The following PLEKHG2 variants were observed in gnomAD, a reference collection of about 807,000 sequenced individuals.
PLEKHG2 encodes the protein pleckstrin homology domain-containing family G member 2.
In PLEKHG2, 71 loss-of-function variants were observed where a neutral mutation model predicts 104.4. The ratio of observed to expected loss-of-function variants is 0.68; its 90% CI spans 0.56 to 0.83. PLEKHG2 has a LOEUF of 0.83. PLEKHG2 is among the 40% of genes least tolerant of loss of function. PLEKHG2 has a pLI of 0.00. For missense variants in PLEKHG2, 1,730 were observed against 1,809.4 expected (o/e 0.96, Z 0.80); for synonymous variants, 728 against 737.0 (o/e 0.99, Z 0.20).
chr19:39,415,629 C>T lies in PLEKHG2; in HGVS notation c.479+190C>T, dbSNP rs551299341. Among the ~76,000 whole-genome samples the T allele has an allele frequency of 2.0e-5, 3 of 151,420 alleles. No individual in the cohort carries two copies. The highest frequency in any genetic ancestry group is 6.6e-5 in the Admixed American group (1 of 15,234). ...AGGGGCATAGGGGATGGGAGGACCCCGAGTGAGGGAGGGGCATAGCGGATG... is the reference window on the plus strand; with the variant it reads ...AGGGGCATAGGGGATGGGAGGACCCTGAGTGAGGGAGGGGCATAGCGGATG... On this transcript the variant is annotated intron_variant, in intron 4 of 18. Coordinates refer to ENST00000425673, the MANE Select transcript of PLEKHG2 (RefSeq NM_022835.3). This position sits in a 1 kb window ranked among gnomAD's most constrained non-coding sequence, Gnocchi z 4.6.
intron 12 of PLEKHG2, 35 bp downstream of exon 12, chr19:39,420,694 G>T (rs750641744): frequency 2.5e-6 from 4 of 1,614,164 alleles, no homozygotes; most frequent in Non-Finnish European, 3.4e-6. Flanking sequence ...GGGTGTGGAA[G>T]TAGACGAATT....
rs201041534 is a variant in PLEKHG2, at chr19:39,420,833, C to G, written c.1380C>G (p.Thr460=). ...GACCTCGAGATGCTAGAAGTTTTAC[C>G]CCTGGGCGAAGGAACACAGGTAAAG... ...SPRPRDARSF[T]PGRRNTAPSP... The change falls in exon 13 of 19, where the codon ACC becomes ACG. Residue 460 remains threonine, a synonymous_variant. Transcript: ENST00000425673. The G allele has an allele frequency of 6.2e-7, 1 of 1,614,190 alleles. No homozygotes were observed.
At position 39,417,920 on chromosome 19, in the gene PLEKHG2, C is replaced by T; in HGVS notation, c.898C>T (p.Leu300=). The change falls in exon 9 of 19, where the codon CTG becomes TTG. Residue 300 remains leucine, a synonymous_variant. Transcript: ENST00000425673. ...AARLQEVQRR[L]GGWTGPELSA... Reference sequence around the variant, plus strand: ...GTCCCGGCAGGAAGTGCAGCGGCGGCTGGGTGGCTGGACCGGACCAGAGCT... The same window carrying T: ...GTCCCGGCAGGAAGTGCAGCGGCGGTTGGGTGGCTGGACCGGACCAGAGCT... 1 of 1,541,812 alleles carries T rather than the reference C, an allele frequency of 6.5e-7. No homozygotes were observed. Among genetic ancestry groups the T allele is most frequent in the South Asian group, 1.2e-5 (1 of 83,790 alleles).
chr19:39,418,179 G>A (rs570906747), intron 9 of PLEKHG2, 74 bp downstream of exon 9: 34 of 1,262,662 alleles, frequency 2.7e-5, no homozygotes, highest in South Asian at 2.5e-4. Flanking sequence ...CTGTGTGCCC[G>A]GCAGTGTGGG....
At chr19:39,418,397 G>A (rs948086864) in intron 9 of PLEKHG2, among the ~76,000 whole-genome samples, 2 of 152,032 alleles carry the variant, frequency 1.3e-5, no homozygotes, top group Non-Finnish European at 2.9e-5. Context: ...TAGCCAACGT[G>A]GTGAAACCCC....
In PLEKHG2 at chr19:39,425,137, A is replaced by G. The variant is rs574448593; in HGVS notation, c.4004A>G (p.Tyr1335Cys). ...CCTCCCCCAGCCAGGCGGCTCAGCT[A>G]TGCCACGACGGTTAACATCCACGTG... ...PPPPPARRLS[Y>C]ATTVNIHVGG... Residue 1335 changes from tyrosine to cysteine, a missense_variant, in exon 19 of 19, where the codon TAT (tyrosine) becomes TGT (cysteine). Physicochemically the swap from Tyr to Cys is radical, Grantham distance 194. Transcript: ENST00000425673. 50 of 1,588,918 alleles carry G rather than the reference A, an allele frequency of 3.1e-5. No homozygotes were observed. The African/African-American group carries it at 3.2e-4, about 10-fold the overall frequency.
At chr19:39,417,183 A>C (rs2078619852) in intron 7 of PLEKHG2, among the ~76,000 whole-genome samples, 183 bp downstream of exon 7, 1 of 144,746 alleles carries the variant, frequency 6.9e-6, no homozygotes, top group African/African-American at 2.6e-5. Context: ...GTGGAGTTTC[A>C]CTCTTGTCGA....
Position 39,414,781 on chromosome 19 carries a change from T to C in PLEKHG2, c.110-211T>C, listed in dbSNP as rs150919304. 2.6e-3 allele frequency among the ~76,000 whole-genome samples: 390 copies of C among 151,690 alleles called. 2 individuals are homozygous for C. Among genetic ancestry groups the C allele is most frequent in the African/African-American group, 8.9e-3 (366 of 41,332 alleles). ...TGTCTACCTAGCTGATTCATGGAGG[T>C]GGATTAGAGAAATGGAGGCCAGAAG... is the stretch of plus-strand genomic sequence containing the variant. On this transcript the variant is annotated intron_variant, in intron 2 of 18. Coordinates refer to ENST00000425673, the MANE Select transcript of PLEKHG2 (RefSeq NM_022835.3).
chr19:39,416,597 G>A lies in PLEKHG2; in HGVS notation c.593G>A (p.Ser198Asn). The change falls in exon 6 of 19, where the codon AGC becomes AAC. Residue 198 changes from serine to asparagine, a missense_variant and splice_region_variant. Transcript: ENST00000425673. The surrounding 1 kb of genome is among the most constrained non-coding windows in gnomAD (Gnocchi z 4.5). ...IYTLYCMNYP[S>N]SLALLRELSL... ...ACATTGTACTGCATGAACTACCCGA[G>A]GTGAGGGGCAGGAGCCCCTGCTGGG... is the stretch of plus-strand genomic sequence containing the variant. 1 of 1,613,908 alleles carries A rather than the reference G, an allele frequency of 6.2e-7. No individual in the cohort carries two copies. The highest frequency in any genetic ancestry group is 8.5e-7 in the Non-Finnish European group (1 of 1,179,972).
In PLEKHG2 at chr19:39,422,377, C is replaced by T. The variant is rs545203047; in HGVS notation, c.1677+89C>T. On this transcript the variant is annotated intron_variant, in intron 17 of 18. Coordinates refer to ENST00000425673, the MANE Select transcript of PLEKHG2 (RefSeq NM_022835.3). ...CAGATAGGCCAGCCCATGCTGATAC[C>T]TTTATTTTTTTTTTATTTGAGATGG... is the stretch of plus-strand genomic sequence containing the variant. 82 of 1,372,104 alleles carry T rather than the reference C, an allele frequency of 6.0e-5. No individual in the cohort carries two copies. In the East Asian group the frequency reaches 2.1e-3, roughly 36 times the overall value. The allele number at this position is 1,372,104 out of a possible 1,614,324, so 85.0% of individuals were successfully genotyped here.
rs1179030964 is a variant in PLEKHG2, at chr19:39,413,955, G to A, written c.-22-110G>A. On this transcript the variant is annotated intron_variant, in intron 1 of 18. Transcript: ENST00000425673. The surrounding 1 kb of genome is among the most constrained non-coding windows in gnomAD (Gnocchi z 4.5). ...CCTCCCCCATTAGTTACTCCCAGGGGCCCCTCCCTGGATTTACACCACGCT... is the reference window on the plus strand; with the variant it reads ...CCTCCCCCATTAGTTACTCCCAGGGACCCCTCCCTGGATTTACACCACGCT... The A allele has an allele frequency of 7.5e-6, 5 of 669,210 alleles. No homozygotes were observed. The East Asian group carries it at 1.1e-4, about 15-fold the overall frequency. 41.5% of individuals were successfully genotyped at this position (669,210 alleles called of 1,614,324 possible).
rs1405653742 is a variant in PLEKHG2, at chr19:39,425,880, C to G, written c.*586C>G. 2.6e-5 allele frequency: 4 copies of G among 154,172 alleles called. No individual in the cohort carries two copies. The highest frequency in any genetic ancestry group is 9.6e-5 in the African/African-American group (4 of 41,506). The allele number at this position is 154,172 out of a possible 1,614,324, so 9.6% of individuals were successfully genotyped here. ...ATCTACCCATCTTCCAATCCATCATCTCACGTATCTGCCTTGCTTATCCAA... is the reference window on the plus strand; with the variant it reads ...ATCTACCCATCTTCCAATCCATCATGTCACGTATCTGCCTTGCTTATCCAA... On this transcript the variant is annotated 3_prime_UTR_variant, in exon 19 of 19. Transcript: ENST00000425673.
Position 39,416,654 on chromosome 19 carries a change from G to A in PLEKHG2, c.593+57G>A. The stretch of plus-strand genomic sequence containing the variant: ...GCTGTGCCCACAAGCTGATGTGCCA[G>A]TCACCCGTCACCCTCCCTCTACCCC... On this transcript the variant is annotated intron_variant, in intron 6 of 18. Transcript: ENST00000425673. This position sits in a 1 kb window ranked among gnomAD's most constrained non-coding sequence, Gnocchi z 4.5. 1 of 1,595,414 alleles carries A rather than the reference G, an allele frequency of 6.3e-7. No homozygotes were observed. Among genetic ancestry groups the A allele is most frequent in the Non-Finnish European group, 8.6e-7 (1 of 1,164,448 alleles).
Position 39,414,148 on chromosome 19 carries a change from G to A in PLEKHG2, c.62G>A (p.Arg21Gln). The change falls in exon 2 of 19, where the codon CGA (arginine) becomes CAA (glutamine). Residue 21 changes from arginine (R) to glutamine (Q), a missense_variant. Physicochemically the swap from Arg to Gln is conservative, Grantham distance 43 (BLOSUM62 1). Transcript: ENST00000425673. Reference sequence around the variant, plus strand: ...CCTAGCCCAAGCCTCGGGTGTGGCCGAAGAGGTGAAGTGTGTGACTGTGGC... The same window carrying A: ...CCTAGCCCAAGCCTCGGGTGTGGCCAAAGAGGTGAAGTGTGTGACTGTGGC... ...SKPSPSLGCG[R>Q]RGEVCDCGTV... The A allele has an allele frequency of 6.4e-7, 1 of 1,551,516 alleles. No individual in the cohort carries two copies. Among genetic ancestry groups the A allele is most frequent in the Non-Finnish European group, 8.7e-7 (1 of 1,146,842 alleles).
At chr19:39,422,544 AT>A (rs372412945) in intron 17 of PLEKHG2, among the ~76,000 whole-genome samples, 187 bp from the exon 18 acceptor site, 601 of 140,508 alleles carry the variant, frequency 4.3e-3, no homozygotes, top group African/African-American at 4.2e-3. Context: ...CACCCGGCTA[AT>A]TTTTTTTTTT....
chr19:39,414,950 C>T (rs1314456480), intron 2 of PLEKHG2, 42 bp from the exon 3 acceptor site: 2 of 1,537,466 alleles, frequency 1.3e-6, no homozygotes, highest in East Asian at 2.3e-5. Context: ...GAAGTCCGTG[C>T]ATGGGGAGAT....
rs1244175622 is a variant in PLEKHG2, at chr19:39,413,876, C to T, written c.-22-189C>T. ...CTCACTCTTCTTTGTCTCAGCCTTT[C>T]CATCTTTTTCGCCAGGTTCTCTCTC... On this transcript the variant is annotated intron_variant, in intron 1 of 18. Coordinates refer to ENST00000425673, the MANE Select transcript of PLEKHG2 (RefSeq NM_022835.3). The surrounding 1 kb of genome is among the most constrained non-coding windows in gnomAD (Gnocchi z 4.5). 3 of 472,508 alleles carry T rather than the reference C, an allele frequency of 6.3e-6. No homozygotes were observed. The highest frequency in any genetic ancestry group is 5.9e-5 in the African/African-American group (3 of 50,792). The allele number at this position is 472,508 out of a possible 1,614,324, so 29.3% of individuals were successfully genotyped here.
Position 39,423,661 on chromosome 19 carries a change from C to T in PLEKHG2, c.2599+8C>T, listed in dbSNP as rs888214486. 3 of 1,550,258 alleles carry T rather than the reference C, an allele frequency of 1.9e-6. No homozygotes were observed. The African/African-American group carries it at 4.1e-5, about 21-fold the overall frequency. The stretch of plus-strand genomic sequence containing the variant: ...AGGAGCAGGCAGAGCCAGGTGAGGT[C>T]CGGGTACGTGGTTGGCAGAGGTGGT... On this transcript the variant is annotated splice_region_variant and intron_variant, in intron 18 of 18. Coordinates refer to ENST00000425673, the MANE Select transcript of PLEKHG2 (RefSeq NM_022835.3).
At chr19:39,414,495 G>A (rs924802476) in intron 2 of PLEKHG2, among the ~76,000 whole-genome samples, 4 of 152,216 alleles carry the variant, frequency 2.6e-5, no homozygotes, top group African/African-American at 9.7e-5. Context: ...ACAAGGAAGA[G>A]TATTCTACAT....
Sources: gnomAD v4.1 joint callset for allele counts (sites outside exome capture counted in the v4.1 genomes callset) on GRCh38, gnomAD v4.1.1 for gene constraint, Gnocchi (gnomAD v3.1) non-coding constraint, MANE v1.5 for transcripts, NCBI Gene and HGNC (gene_info 2026-07-23, HGNC 2026-07-21) for gene names.